WWP1: variants seen among roughly 807,000 people sequenced by gnomAD.
The protein encoded by WWP1 is WW domain containing E3 ubiquitin protein ligase 1.
WWP1 carries 49 observed loss-of-function variants against 130.6 expected under a neutral mutation model. The observed-to-expected ratio is 0.38, with a 90% CI of 0.30 to 0.48. The LOEUF is 0.48. WWP1 is among the 20% of genes least tolerant of loss of function. The probability of loss-of-function intolerance (pLI) is 0.99; values close to 1 mark genes in which losing one functional copy is unlikely to be tolerated. For synonymous variants in WWP1, 332 were observed against 367.8 expected (o/e 0.90, Z 1.11); for missense variants, 809 against 1,100.6 (o/e 0.74, Z 3.75).
chr8:86,352,579 G>A (rs972920059), intron 1 of WWP1, among the ~76,000 whole-genome samples: 2 of 151,790 alleles, frequency 1.3e-5, no homozygotes, highest in African/African-American at 2.4e-5. Context: ...TTCCCAGGCT[G>A]GTCTTGAACT....
Position 86,452,635 on chromosome 8 carries a change from G to T in WWP1, c.2350G>T (p.Val784Phe). ...TTTCCTTGATGGTTTTAATGAAGTT[G>T]TTCCTCTTCAGTGGCTACAGTACTT... ...KAFLDGFNEV[V>F]PLQWLQYFDE... The change falls in exon 21 of 25, where the codon GTT (valine) becomes TTT (phenylalanine). Residue 784 changes from valine to phenylalanine, a missense_variant. Physicochemically the swap from Val to Phe is conservative, Grantham distance 50. Around this residue, in one of 3 missense-constraint regions of WWP1, gnomAD observed 450 missense variants for 674.2 expected, o/e 0.67. Coordinates refer to ENST00000517970, the MANE Select transcript of WWP1 (RefSeq NM_007013.4). 6.2e-7 allele frequency: 1 copy of T among 1,613,388 alleles called. No individual in the cohort carries two copies. The highest frequency in any genetic ancestry group is 8.5e-7 in the Non-Finnish European group (1 of 1,179,590).
intron 24 of WWP1, among the ~76,000 whole-genome samples, chr8:86,466,510 G>GT (rs1329367936): frequency 6.6e-6 from 1 of 150,924 alleles, no homozygotes; most frequent in Non-Finnish European, 1.5e-5. Flanking sequence ...CATGACACAT[G>GT]TAACAGGAAT....
At chr8:86,351,898 G>C (rs1289978933) in intron 1 of WWP1, among the ~76,000 whole-genome samples, 7 of 152,088 alleles carry the variant, frequency 4.6e-5, no homozygotes. Context: ...GTGGAGCTTA[G>C]GGATCTTCAT....
chr8:86,423,210 A>T (rs1182123983), intron 9 of WWP1, among the ~76,000 whole-genome samples: 2 of 151,530 alleles, frequency 1.3e-5, no homozygotes, highest in African/African-American at 2.4e-5. Context: ...TTTTATTTTT[A>T]TTTATTTATT....
intron 1 of WWP1, among the ~76,000 whole-genome samples, chr8:86,353,149 G>A (rs994327647): frequency 2.6e-5 from 4 of 152,144 alleles, no homozygotes; most frequent in Non-Finnish European, 4.4e-5. Context: ...GGGTAAGGGC[G>A]TTGACTTGGA....
At chr8:86,465,071 A>G (rs2130143228) in intron 24 of WWP1, among the ~76,000 whole-genome samples, 1 of 152,276 alleles carries the variant, frequency 6.6e-6, no homozygotes, top group South Asian at 2.1e-4. Flanking sequence ...AAGAAAGGAA[A>G]AACTTTTGAG....
At chr8:86,466,687 A>G (rs1812180924) in intron 24 of WWP1, 107 bp from the exon 25 acceptor site, 2 of 658,456 alleles carry the variant, frequency 3.0e-6, no homozygotes, top group South Asian at 5.1e-5. Flanking sequence ...TTTAACATAT[A>G]TAGTATACAT....
chr8:86,455,727 T>C (rs1811407787), intron 21 of WWP1, among the ~76,000 whole-genome samples: 1 of 151,944 alleles, frequency 6.6e-6, no homozygotes, highest in Non-Finnish European at 1.5e-5. Flanking sequence ...GATGTAGAGA[T>C]TGAACATCTC....
chr8:86,427,338 G>A (rs1303452402), intron 10 of WWP1, among the ~76,000 whole-genome samples: 2 of 151,760 alleles, frequency 1.3e-5, no homozygotes, highest in African/African-American at 4.8e-5. Flanking sequence ...CATGGCACAT[G>A]TATACCTGTG....
In WWP1 at chr8:86,411,636, A is replaced by G. The variant is rs749529794; in HGVS notation, c.823A>G (p.Ser275Gly). The change falls in exon 9 of 25, where the codon AGT becomes GGT. Residue 275 changes from serine (S) to glycine (G), a missense_variant. Physicochemically the swap from Ser to Gly is moderately conservative, Grantham distance 56. Transcript: ENST00000517970. ...AAATGCCTTGTCTCCAAATTGCACTAGTACTACTGTTGAAGATCCTCCAGT... is the reference window on the plus strand; with the variant it reads ...AAATGCCTTGTCTCCAAATTGCACTGGTACTACTGTTGAAGATCCTCCAGT... ...EENALSPNCT[S>G]TTVEDPPVQE... 3 of 1,614,158 alleles carry G rather than the reference A, an allele frequency of 1.9e-6. No homozygotes were observed. In the East Asian group the frequency reaches 6.7e-5, roughly 36 times the overall value.
At chr8:86,427,315 T>C (rs2130656123) in intron 10 of WWP1, among the ~76,000 whole-genome samples, 1 of 152,300 alleles carries the variant, frequency 6.6e-6, no homozygotes, top group South Asian at 2.1e-4. Flanking sequence ...TGTTGATAGC[T>C]GCAGCAAACG....
chr8:86,394,795 T>A (rs531122001), intron 5 of WWP1, among the ~76,000 whole-genome samples: 3 of 152,164 alleles, frequency 2.0e-5, no homozygotes, highest in Non-Finnish European at 4.4e-5. Context: ...CAAAATGTTA[T>A]AACTCAATCT....
chr8:86,406,537 T>C (rs1172442788), intron 8 of WWP1, among the ~76,000 whole-genome samples: 1 of 152,202 alleles, frequency 6.6e-6, no homozygotes, highest in Non-Finnish European at 1.5e-5. Flanking sequence ...GAAGGTCCCA[T>C]GCACCCTTCA....
intron 10 of WWP1, among the ~76,000 whole-genome samples, chr8:86,427,190 A>G (rs920527353): frequency 2.6e-5 from 4 of 152,018 alleles, no homozygotes; most frequent in African/African-American, 9.6e-5. Context: ...GGGAGAAAGG[A>G]TAGCCAGATG....
chr8:86,402,848 A>G (rs561503581), intron 8 of WWP1, among the ~76,000 whole-genome samples: 1 of 152,360 alleles, frequency 6.6e-6, no homozygotes, highest in South Asian at 2.1e-4. Flanking sequence ...ATTTCTAAGT[A>G]AAAGTGAGTA....
chr8:86,374,953 T>C (rs1824543984), intron 3 of WWP1, among the ~76,000 whole-genome samples: 2 of 152,136 alleles, frequency 1.3e-5, no homozygotes, highest in Admixed American at 1.3e-4. Flanking sequence ...TTTCAAGCAA[T>C]CCTTTTGCAC....
At chr8:86,364,408 T>C (rs1193959297) in intron 1 of WWP1, among the ~76,000 whole-genome samples, 3 of 152,198 alleles carry the variant, frequency 2.0e-5, no homozygotes, top group Admixed American at 6.5e-5. Flanking sequence ...AACTGTGATA[T>C]GTATGGTGCA....
At chr8:86,374,879 T>A (rs1214024338) in intron 3 of WWP1, among the ~76,000 whole-genome samples, 1 of 151,760 alleles carries the variant, frequency 6.6e-6, no homozygotes, top group Non-Finnish European at 1.5e-5. Flanking sequence ...CTGGCTAATT[T>A]AAAAAAAAAT....
intron 7 of WWP1, among the ~76,000 whole-genome samples, chr8:86,399,717 G>A (rs1161868769): frequency 6.6e-6 from 1 of 152,170 alleles, no homozygotes; most frequent in Non-Finnish European, 1.5e-5. Flanking sequence ...CAATTGCATA[G>A]TAAGACGCTT....
Sources: allele counts gnomAD v4.1 joint callset (sites outside exome capture counted in the v4.1 genomes callset), GRCh38; gene constraint gnomAD v4.1.1; regional missense constraint gnomAD v4.1.1; transcripts MANE v1.5; gene names NCBI Gene and HGNC (gene_info 2026-07-23, HGNC 2026-07-21).